GABRG3: variants seen among roughly 807,000 people sequenced by gnomAD.
GABRG3 encodes gamma-aminobutyric acid receptor subunit gamma-3.
Under a neutral mutation model 48.8 loss-of-function variants are expected in GABRG3, and 25 were observed. That is an observed-to-expected ratio of 0.51 (90% CI 0.37 to 0.72). GABRG3 has a LOEUF of 0.72. Ranked by LOEUF, GABRG3 falls within the 30% of genes least tolerant of loss-of-function variation. The pLI, the probability that GABRG3 is intolerant of heterozygous loss-of-function variation, is 0.00. For synonymous variants in GABRG3, 227 were observed against 217.6 expected, an observed-to-expected ratio of 1.04 and a Z score of -0.38; for missense variants, 394 against 577.9, an observed-to-expected ratio of 0.68 and a Z score of 3.26.
chr15:27,491,336 G>A (rs371080985), intron 6 of GABRG3, among the ~76,000 whole-genome samples: 12 of 152,154 alleles, frequency 7.9e-5, no homozygotes, highest in East Asian at 3.9e-4. Context: ...GAGAAGCCAC[G>A]CAGTCAGCTA....
chr15:27,525,529 G>C (rs1034292454), intron 7 of GABRG3, among the ~76,000 whole-genome samples: 1 of 152,170 alleles, frequency 6.6e-6, no homozygotes, highest in African/African-American at 2.4e-5. Context: ...GTTTCAGGGT[G>C]GGGGTGGAAG....
chr15:27,154,271 C>G (rs934770887), intron 3 of GABRG3, among the ~76,000 whole-genome samples: 1 of 152,106 alleles, frequency 6.6e-6, no homozygotes, highest in African/African-American at 2.4e-5. Context: ...TTTAGTAGCC[C>G]TGTATCTTCA....
rs1440064992 is a variant in GABRG3 at position 27,454,270 on chromosome 15, T to A, written c.575-26380T>A. Among the ~76,000 whole-genome samples, 6 of 152,350 alleles carry A rather than the reference T, an allele frequency of 3.9e-5. No individual in the cohort carries two copies. In the East Asian group the frequency reaches 1.2e-3, roughly 29 times the overall value. ...TGAAGCGTGTGGTCCAACATGGACATGAATGGATTCTGTAGTCTGTCCCTC... is the reference window on the plus strand; with the variant it reads ...TGAAGCGTGTGGTCCAACATGGACAAGAATGGATTCTGTAGTCTGTCCCTC... On this transcript the variant is annotated intron_variant, in intron 5 of 9. Transcript: ENST00000615808.
chr15:27,009,887 C>G (rs1487563214), intron 2 of GABRG3, among the ~76,000 whole-genome samples: 1 of 152,122 alleles, frequency 6.6e-6, no homozygotes. Flanking sequence ...CCTGCTCCTC[C>G]TCCTCCACCA....
intron 3 of GABRG3, among the ~76,000 whole-genome samples, chr15:27,195,780 G>A (rs1184407203): frequency 1.3e-5 from 2 of 152,094 alleles, no homozygotes; most frequent in East Asian, 1.9e-4. Context: ...GATTACAGGT[G>A]CCCACCACCA....
At chr15:27,109,703 C>G (rs964705583) in intron 3 of GABRG3, among the ~76,000 whole-genome samples, 6 of 152,104 alleles carry the variant, frequency 3.9e-5, no homozygotes, top group African/African-American at 1.4e-4. Context: ...GCCAACATGG[C>G]AAAACCTGTC....
intron 3 of GABRG3, among the ~76,000 whole-genome samples, chr15:27,042,850 C>G (rs1896301280): frequency 1.3e-5 from 2 of 152,186 alleles, no homozygotes; most frequent in African/African-American, 2.4e-5. Context: ...TTAGCAGGGC[C>G]AGGGCCTCCC....
chr15:27,208,998 C>G (rs891103450), intron 3 of GABRG3, among the ~76,000 whole-genome samples: 1 of 152,198 alleles, frequency 6.6e-6, no homozygotes, highest in Non-Finnish European at 1.5e-5. Context: ...GCCATTGATT[C>G]CCTGAGCCTG....
chr15:27,301,654 C>T (rs1892212073), intron 3 of GABRG3, among the ~76,000 whole-genome samples: 1 of 151,648 alleles, frequency 6.6e-6, no homozygotes, highest in African/African-American at 2.4e-5. Context: ...ATATGTATCA[C>T]AATTTATTTA....
At chr15:27,297,644 C>T (rs1476695874) in intron 3 of GABRG3, among the ~76,000 whole-genome samples, 2 of 152,152 alleles carry the variant, frequency 1.3e-5, no homozygotes, top group African/African-American at 2.4e-5. Context: ...TGTGTAAGTA[C>T]ACTCTATGAT....
intron 3 of GABRG3, among the ~76,000 whole-genome samples, chr15:27,097,006 A>AT (rs36057231): frequency 0.23 from 29,817 of 131,522 alleles, 3,886 homozygotes; most frequent in East Asian, 0.39. Flanking sequence ...ATACCCGGCT[A>AT]TTTTTTTTTT....
intron 6 of GABRG3, among the ~76,000 whole-genome samples, chr15:27,499,742 G>A (rs889541502): frequency 1.3e-5 from 2 of 152,208 alleles, no homozygotes; most frequent in Admixed American, 1.3e-4. Context: ...AACACGTGCT[G>A]GTACTTCCCA....
chr15:27,214,425 C>T (rs748818928), intron 3 of GABRG3, among the ~76,000 whole-genome samples: 8 of 152,146 alleles, frequency 5.3e-5, no homozygotes, highest in Admixed American at 6.5e-5. Flanking sequence ...GCAAGGTTTA[C>T]GGTTAAATAC....
intron 3 of GABRG3, among the ~76,000 whole-genome samples, chr15:27,029,313 C>T (rs1014914074): frequency 2.5e-4 from 38 of 152,182 alleles, no homozygotes; most frequent in Admixed American, 8.5e-4. Flanking sequence ...CCGCAGTCAG[C>T]GCTCAGCAGG....
chr15:27,507,407 G>A (rs1890785913), intron 6 of GABRG3, among the ~76,000 whole-genome samples: 1 of 152,118 alleles, frequency 6.6e-6, no homozygotes, highest in African/African-American at 2.4e-5. Flanking sequence ...AGGAGGCTGA[G>A]GTAGGAGAAT....
Position 26,976,879 on chromosome 15 carries a change from T to G in GABRG3, c.54-123T>G, listed in dbSNP as rs1428314416. 2.3e-5 allele frequency: 20 copies of G among 865,448 alleles called. No homozygotes were observed. Among genetic ancestry groups the G allele is most frequent in the Admixed American group, 2.1e-4 (8 of 37,316 alleles). 53.6% of individuals were successfully genotyped at this position (865,448 alleles called of 1,614,324 possible). A position where few individuals can be genotyped will look rare whatever the true frequency, so the allele number is the denominator to read the frequency against. On this transcript the variant is annotated intron_variant, in intron 1 of 9. Transcript: ENST00000615808. The surrounding 1 kb of genome is among the most constrained non-coding windows in gnomAD (Gnocchi z 7.8). Reference sequence around the variant, plus strand: ...AAATATTTTCGGGTTTTCACGTGTGTGGTTGGGCTGTGGGTACTGGGGACT... The same window carrying G: ...AAATATTTTCGGGTTTTCACGTGTGGGGTTGGGCTGTGGGTACTGGGGACT...
At chr15:27,235,487 CTT>C (rs1040869306) in intron 3 of GABRG3, among the ~76,000 whole-genome samples, 5 of 152,124 alleles carry the variant, frequency 3.3e-5, no homozygotes, top group African/African-American at 1.2e-4. Flanking sequence ...TCAATTTAGA[CTT>C]ATTTCTTAAA....
intron 5 of GABRG3, 99 bp from the exon 6 acceptor site, chr15:27,480,551 C>T: frequency 8.6e-7 from 1 of 1,166,080 alleles, no homozygotes; most frequent in Admixed American, 2.6e-5. Flanking sequence ...AAAAGTTTAA[C>T]TCCTAACTCC....
chr15:27,384,337 A>G (rs1477447757), intron 5 of GABRG3, among the ~76,000 whole-genome samples: 1 of 152,198 alleles, frequency 6.6e-6, no homozygotes, highest in East Asian at 1.9e-4. Flanking sequence ...AATCTAGTAC[A>G]AGCCTAGGAA....
Sources: allele counts gnomAD v4.1 joint callset (sites outside exome capture counted in the v4.1 genomes callset), GRCh38; gene constraint gnomAD v4.1.1; non-coding constraint Gnocchi (gnomAD v3.1); transcripts MANE v1.5; gene names NCBI Gene and HGNC (gene_info 2026-07-23, HGNC 2026-07-21).